PDE4D: variants seen among roughly 807,000 people sequenced by gnomAD.
The protein encoded by PDE4D is 3',5'-cyclic-AMP phosphodiesterase 4D.
In PDE4D, 24 loss-of-function variants were observed where a neutral mutation model predicts 87.4. The observed-to-expected ratio is 0.27, with a 90% CI of 0.20 to 0.39. PDE4D has a LOEUF of 0.39. Among genes scored for constraint, PDE4D ranks in the 10% least tolerant of loss-of-function variants. The pLI is 1.00. For synonymous variants in PDE4D, 384 were observed against 383.2 expected, an observed-to-expected ratio of 1.00 and a Z score of -0.02; for missense variants, 714 against 1,041.0, an observed-to-expected ratio of 0.69 and a Z score of 4.32.
chr5:60,091,667 A>G (rs2149310693), intron 2 of PDE4D, among the ~76,000 whole-genome samples: 2 of 152,332 alleles, frequency 1.3e-5, no homozygotes, highest in Admixed American at 1.3e-4. Flanking sequence ...ACTGTATTAA[A>G]AAGATATCTG....
chr5:59,406,093 T>C (rs1791556400), intron 1 of PDE4D, among the ~76,000 whole-genome samples: 1 of 152,130 alleles, frequency 6.6e-6, no homozygotes, highest in South Asian at 2.1e-4. Flanking sequence ...CAGAATAGTT[T>C]GAGTAGGATT....
Position 60,089,314 on chromosome 5 carries a change from CA to C in PDE4D, c.42+96242del, listed in dbSNP as rs1774858235. On this transcript the variant is annotated intron_variant, in intron 2 of 16. Coordinates refer to the PDE4D transcript ENST00000502484. ...GGTAACAAAACAAGTTTTAAAAAGT[CA>C]AAAAAGTCAAAATCATATCCTGTAT... 2.6e-5 allele frequency among the ~76,000 whole-genome samples: 4 copies of C among 151,784 alleles called. No homozygotes were observed. The South Asian group carries it at 8.3e-4, about 32-fold the overall frequency.
intron 3 of PDE4D, among the ~76,000 whole-genome samples, chr5:59,936,619 C>T (rs565283387): frequency 6.6e-6 from 1 of 152,308 alleles, no homozygotes; most frequent in Admixed American, 6.5e-5. Flanking sequence ...GTGCTCAGGT[C>T]TGCCACTCCA....
At chr5:59,372,703 T>G (rs1263277729) in intron 1 of PDE4D, among the ~76,000 whole-genome samples, 2 of 152,222 alleles carry the variant, frequency 1.3e-5, no homozygotes, top group African/African-American at 4.8e-5. Context: ...AAGGGCCTCC[T>G]GCCCACCTCT....
intron 2 of PDE4D, among the ~76,000 whole-genome samples, chr5:60,148,173 T>A (rs1189678711): frequency 6.6e-6 from 1 of 152,148 alleles, no homozygotes; most frequent in African/African-American, 2.4e-5. Flanking sequence ...AGTTCCTAAC[T>A]TTTTTGGGGG....
chr5:60,091,626 C>T (rs1259329357), intron 2 of PDE4D, among the ~76,000 whole-genome samples: 1 of 152,200 alleles, frequency 6.6e-6, no homozygotes, highest in East Asian at 1.9e-4. Flanking sequence ...AGCAATCTCA[C>T]TGCTGGGAAT....
At chr5:60,022,163 G>A (rs1229383334) in intron 2 of PDE4D, among the ~76,000 whole-genome samples, 1 of 132,394 alleles carries the variant, frequency 7.6e-6, no homozygotes, top group African/African-American at 2.9e-5. Flanking sequence ...GTCTGGATAG[G>A]ACAGTTTTAA....
chr5:59,337,135 G>A (rs1398356420), intron 1 of PDE4D, among the ~76,000 whole-genome samples: 1 of 152,150 alleles, frequency 6.6e-6, no homozygotes, highest in Non-Finnish European at 1.5e-5. Flanking sequence ...GAAGGAAGAA[G>A]ACAGGAAGGT....
At chr5:60,060,355 A>G (rs1053242446) in intron 2 of PDE4D, among the ~76,000 whole-genome samples, 11 of 152,020 alleles carry the variant, frequency 7.2e-5, no homozygotes, top group Non-Finnish European at 1.6e-4. Context: ...CATTTTGGTT[A>G]TAAAGACACC....
chr5:60,325,849 T>C (rs554227165), intron 1 of PDE4D, among the ~76,000 whole-genome samples: 6 of 152,278 alleles, frequency 3.9e-5, no homozygotes, highest in South Asian at 4.1e-4. Context: ...ACTACTAATC[T>C]ACACTAATCT....
chr5:59,355,358 C>T (rs924311733), intron 1 of PDE4D, among the ~76,000 whole-genome samples: 1 of 152,100 alleles, frequency 6.6e-6, no homozygotes, highest in Non-Finnish European at 1.5e-5. Flanking sequence ...CAAGCTATTG[C>T]TTTTACTTTA....
chr5:59,122,788 C>T (rs1774773212), intron 5 of PDE4D, among the ~76,000 whole-genome samples: 1 of 152,134 alleles, frequency 6.6e-6, no homozygotes, highest in Admixed American at 6.5e-5. Context: ...TATCTAGTTC[C>T]AAACATTTTC....
At chr5:59,398,832 C>G (rs1270738900) in intron 1 of PDE4D, among the ~76,000 whole-genome samples, 3 of 122,870 alleles carry the variant, frequency 2.4e-5, no homozygotes, top group Non-Finnish European at 1.7e-5. Flanking sequence ...CTAGAAAACC[C>G]CATTGTCTCA....
At chr5:60,151,942 T>C (rs145190448) in intron 2 of PDE4D, among the ~76,000 whole-genome samples, 55 of 152,306 alleles carry the variant, frequency 3.6e-4, no homozygotes, top group African/African-American at 1.2e-3. Context: ...ATTTTAGAGT[T>C]TTTGTCATGA....
intron 6 of PDE4D, among the ~76,000 whole-genome samples, chr5:59,024,965 A>G (rs1157669266): frequency 6.6e-6 from 1 of 152,080 alleles, no homozygotes; most frequent in Non-Finnish European, 1.5e-5. Flanking sequence ...TTAACAAGGG[A>G]GGGGACTAGT....
At chr5:60,315,337 G>GT (rs1287850001) in intron 1 of PDE4D, among the ~76,000 whole-genome samples, 4 of 152,092 alleles carry the variant, frequency 2.6e-5, no homozygotes, top group South Asian at 4.1e-4. Context: ...GGGGTTGTTT[G>GT]TTTTTTTCTA....
intron 1 of PDE4D, among the ~76,000 whole-genome samples, chr5:59,889,276 G>A (rs575116847): frequency 1.3e-4 from 19 of 146,000 alleles, no homozygotes; most frequent in African/African-American, 4.3e-4. Context: ...TATAATATGC[G>A]CAGAATTTAT....
At chr5:58,977,454 C>T (rs1744078333) in intron 11 of PDE4D, 109 bp from the exon 12 acceptor site, 1 of 909,400 alleles carries the variant, frequency 1.1e-6, no homozygotes, top group Non-Finnish European at 1.7e-6. Context: ...TTCTCTGCTG[C>T]CCTTATCATT....
In PDE4D at chr5:60,464,508, A is replaced by T. The variant is rs557602047; in HGVS notation, c.-90+23434T>A. Reference sequence around the variant, plus strand: ...GAGCAGAGGAAGTTAAAAAAACTCTACTCCTCTGGCACTGTTTTGAAGTTC... The same window carrying T: ...GAGCAGAGGAAGTTAAAAAAACTCTTCTCCTCTGGCACTGTTTTGAAGTTC... On this transcript the variant is annotated intron_variant, in intron 1 of 16. Coordinates refer to the PDE4D transcript ENST00000502484. 3.3e-5 allele frequency among the ~76,000 whole-genome samples: 5 copies of T among 151,902 alleles called. No homozygotes were observed. The South Asian group carries it at 1.0e-3, about 32-fold the overall frequency.
Sources: allele counts gnomAD v4.1 joint callset (sites outside exome capture counted in the v4.1 genomes callset), GRCh38; gene constraint gnomAD v4.1.1; transcripts MANE v1.5; gene names NCBI Gene and HGNC (gene_info 2026-07-23, HGNC 2026-07-21).